The following SLC25A21 variants were observed in gnomAD, a reference collection of about 807,000 sequenced individuals.
The protein encoded by SLC25A21 is solute carrier family 25 member 21.
SLC25A21 carries 47 observed loss-of-function variants against 43.8 expected under a neutral mutation model. That is an observed-to-expected ratio of 1.07 (90% CI 0.85 to 1.37). The LOEUF (loss-of-function observed/expected upper bound fraction) is 1.37. Ranked by LOEUF, SLC25A21 falls within the 40% of genes most tolerant of loss-of-function variation. SLC25A21 has a pLI of 0.00. For synonymous variants in SLC25A21, 131 were observed against 121.3 expected (o/e 1.08, Z -0.52); for missense variants, 352 against 350.2 (o/e 1.00, Z -0.04).
chr14:37,017,127 GCTAA>G (rs1241141794), intron 1 of SLC25A21, among the ~76,000 whole-genome samples: 3 of 151,956 alleles, frequency 2.0e-5, no homozygotes, highest in Admixed American at 2.0e-4. Flanking sequence ...TCACAATTTG[GCTAA>G]CTGTTTAGTG....
chr14:36,793,913 A>T (rs1179431586), intron 3 of SLC25A21, among the ~76,000 whole-genome samples: 2 of 134,182 alleles, frequency 1.5e-5, no homozygotes, highest in African/African-American at 5.8e-5. Context: ...TTCATTTTGC[A>T]GATCAGGAAA....
At chr14:36,757,132 C>A (rs918870484) in intron 3 of SLC25A21, among the ~76,000 whole-genome samples, 2 of 150,512 alleles carry the variant, frequency 1.3e-5, no homozygotes, top group Admixed American at 6.6e-5. Context: ...GTGGCATGTG[C>A]CTGTAGTCCC....
At chr14:36,804,873 A>G (rs559076760) in intron 3 of SLC25A21, among the ~76,000 whole-genome samples, 52 of 152,316 alleles carry the variant, frequency 3.4e-4, no homozygotes, top group South Asian at 8.3e-4. Flanking sequence ...CGACCACTAG[A>G]AAAAGAATTT....
At chr14:37,125,032 A>C (rs762782059) in intron 1 of SLC25A21, among the ~76,000 whole-genome samples, 5 of 152,202 alleles carry the variant, frequency 3.3e-5, no homozygotes, top group African/African-American at 4.8e-5. Flanking sequence ...CTTCATAGCA[A>C]TGTGAGGACA....
At position 37,062,771 on chromosome 14, in the gene SLC25A21, T is replaced by C. The variant is rs145949270; in HGVS notation, c.70+109510A>G. On this transcript the variant is annotated intron_variant, in intron 1 of 9. Transcript: ENST00000331299. ...AAATACTGAAGGTTTAGATAAGTTA[T>C]AGGGGTTTGATAAGTGGGCTGGTGT... Among the ~76,000 whole-genome samples, 286 of 152,252 alleles carry C rather than the reference T, an allele frequency of 1.9e-3. 2 individuals are homozygous for C. Among genetic ancestry groups the C allele is most frequent in the African/African-American group, 6.5e-3 (270 of 41,550 alleles).
chr14:37,144,102 G>C (rs192666947), intron 1 of SLC25A21, among the ~76,000 whole-genome samples: 3 of 152,162 alleles, frequency 2.0e-5, no homozygotes, highest in Admixed American at 6.5e-5. Flanking sequence ...AAACTAATGA[G>C]AAAAAGAGAG....
intron 3 of SLC25A21, among the ~76,000 whole-genome samples, chr14:36,765,945 A>G (rs1886396402): frequency 6.6e-6 from 1 of 152,116 alleles, no homozygotes; most frequent in African/African-American, 2.4e-5. Flanking sequence ...CTTTTCCCAC[A>G]CAGAGCTAAT....
In SLC25A21 at chr14:37,070,305, A is replaced by C. The variant is rs184115553; in HGVS notation, c.70+101976T>G. Among the ~76,000 whole-genome samples the C allele has an allele frequency of 6.8e-4, 104 of 152,298 alleles. 2 individuals carry two copies. The East Asian group carries it at 0.016, about 24-fold the overall frequency. ...TCATTGTTTCCTCAATCTGTTATCC[A>C]TGAGCTTATCTAAACTTTTAGTAAA... On this transcript the variant is annotated intron_variant, in intron 1 of 9. Transcript: ENST00000331299.
chr14:36,740,494 C>T (rs181753776), intron 3 of SLC25A21, among the ~76,000 whole-genome samples: 68 of 152,288 alleles, frequency 4.5e-4, no homozygotes, highest in African/African-American at 1.6e-3. Flanking sequence ...AATTGTACTA[C>T]TTATGTACAT....
chr14:36,781,688 T>G (rs1440205105), intron 3 of SLC25A21, among the ~76,000 whole-genome samples: 1 of 152,218 alleles, frequency 6.6e-6, no homozygotes, highest in Non-Finnish European at 1.5e-5. Flanking sequence ...CCATAACAAA[T>G]AATTGTAGTT....
At chr14:36,908,232 A>C (rs1891587256) in intron 1 of SLC25A21, among the ~76,000 whole-genome samples, 2 of 152,206 alleles carry the variant, frequency 1.3e-5, no homozygotes, top group Admixed American at 6.5e-5. Context: ...CCTTTGATAT[A>C]ATGATATGTC....
intron 1 of SLC25A21, among the ~76,000 whole-genome samples, chr14:36,904,333 T>C (rs1320025025): frequency 6.6e-6 from 1 of 152,226 alleles, no homozygotes; most frequent in Non-Finnish European, 1.5e-5. Context: ...AAAATGCCAC[T>C]TTTAAGGGTA....
chr14:37,107,230 T>C (rs562230376), intron 1 of SLC25A21, among the ~76,000 whole-genome samples: 3 of 152,142 alleles, frequency 2.0e-5, no homozygotes, highest in South Asian at 4.1e-4. Context: ...CAAAATGGAG[T>C]GCAGTGGTAT....
chr14:36,826,737 T>A (rs1176907311), intron 2 of SLC25A21, among the ~76,000 whole-genome samples: 1 of 152,338 alleles, frequency 6.6e-6, no homozygotes, highest in South Asian at 2.1e-4. Context: ...CAAAGATAAG[T>A]GGCCTCTGGC....
intron 1 of SLC25A21, among the ~76,000 whole-genome samples, chr14:36,957,357 GA>G (rs1959367564): frequency 2.0e-5 from 3 of 151,924 alleles, no homozygotes; most frequent in Admixed American, 2.0e-4. Flanking sequence ...ATGCTAGGGT[GA>G]AACAGGCTGA....
At chr14:37,001,691 T>G (rs1960493497) in intron 1 of SLC25A21, among the ~76,000 whole-genome samples, 1 of 152,148 alleles carries the variant, frequency 6.6e-6, no homozygotes, top group Admixed American at 6.6e-5. Flanking sequence ...GGATACAAAT[T>G]TAAGTAAGAC....
chr14:36,758,106 C>T (rs1237222617), intron 3 of SLC25A21, among the ~76,000 whole-genome samples: 1 of 152,240 alleles, frequency 6.6e-6, no homozygotes, highest in Non-Finnish European at 1.5e-5. Flanking sequence ...CACACCGCAG[C>T]CACTCAGCCA....
At chr14:36,740,205 C>T (rs1380902985) in intron 3 of SLC25A21, among the ~76,000 whole-genome samples, 3 of 152,168 alleles carry the variant, frequency 2.0e-5, no homozygotes, top group Non-Finnish European at 2.9e-5. Context: ...TATAAGGAAG[C>T]TGTGAGAACT....
chr14:36,709,000 A>C (rs1462890371), intron 7 of SLC25A21, among the ~76,000 whole-genome samples: 2 of 124,292 alleles, frequency 1.6e-5, no homozygotes, highest in East Asian at 5.7e-4. Flanking sequence ...CATATATCTG[A>C]TTAATCTTTT....
Sources: allele counts gnomAD v4.1 joint callset (sites outside exome capture counted in the v4.1 genomes callset), GRCh38; gene constraint gnomAD v4.1.1; transcripts MANE v1.5; gene names NCBI Gene and HGNC (gene_info 2026-07-23, HGNC 2026-07-21).